Variants in SPIDR observed in about 807,000 individuals in gnomAD.
The protein encoded by SPIDR is DNA repair-scaffolding protein.
Under a neutral mutation model 104.6 loss-of-function variants are expected in SPIDR, and 93 were observed. The ratio of observed to expected loss-of-function variants is 0.89; its 90% confidence interval spans 0.75 to 1.06. SPIDR has a LOEUF of 1.06. Among genes scored for constraint, SPIDR ranks in the 50% least tolerant of loss-of-function variants. SPIDR has a pLI of 0.00. For synonymous variants in SPIDR, 431 were observed against 416.9 expected (o/e 1.03, Z -0.41); for missense variants, 1,154 against 1,111.2 (o/e 1.04, Z -0.55).
At chr8:47,271,531 G>A (rs1158420073) in intron 1 of SPIDR, among the ~76,000 whole-genome samples, 2 of 151,886 alleles carry the variant, frequency 1.3e-5, no homozygotes, top group Non-Finnish European at 2.9e-5. Context: ...AGTTACTATA[G>A]TTTTCAACTC....
At chr8:47,690,165 T>C (rs995032435) in intron 11 of SPIDR, among the ~76,000 whole-genome samples, 2 of 152,064 alleles carry the variant, frequency 1.3e-5, no homozygotes, top group Admixed American at 1.3e-4. Flanking sequence ...ATGTGAGGCT[T>C]TTGGAATAAT....
At chr8:47,670,490 G>A (rs1389051149) in intron 10 of SPIDR, among the ~76,000 whole-genome samples, 1 of 152,152 alleles carries the variant, frequency 6.6e-6, no homozygotes, top group Non-Finnish European at 1.5e-5. Context: ...CATAAAGTTT[G>A]TGGATCGATT....
chr8:47,474,474 T>G (rs2076066707), intron 8 of SPIDR, among the ~76,000 whole-genome samples: 1 of 152,176 alleles, frequency 6.6e-6, no homozygotes, highest in South Asian at 2.1e-4. Context: ...TCACAACATC[T>G]CACTCCCAGG....
chr8:47,300,301 C>T (rs954322158), intron 5 of SPIDR, among the ~76,000 whole-genome samples: 1 of 152,072 alleles, frequency 6.6e-6, no homozygotes, highest in African/African-American at 2.4e-5. Context: ...GGTGATATCC[C>T]CTTTATCATT....
upstream of SPIDR, chr8:47,260,900 C>G: frequency 8.3e-7 from 1 of 1,199,064 alleles, no homozygotes; most frequent in Non-Finnish European, 1.0e-6. Context: ...CGGTGCGGCG[C>G]GCCGAGGTGG....
At chr8:47,672,344 C>T (rs1589055203) in intron 10 of SPIDR, among the ~76,000 whole-genome samples, 2 of 152,218 alleles carry the variant, frequency 1.3e-5, no homozygotes, top group South Asian at 4.1e-4. Context: ...TATTGCTTCC[C>T]CTCCTCTGTC....
chr8:47,458,068 C>T (rs1278131322), intron 8 of SPIDR, among the ~76,000 whole-genome samples: 1 of 152,082 alleles, frequency 6.6e-6, no homozygotes, highest in East Asian at 1.9e-4. Flanking sequence ...CTTGCTTTGG[C>T]TATGTGGGCT....
intron 8 of SPIDR, among the ~76,000 whole-genome samples, chr8:47,551,476 A>G (rs190837446): frequency 4.3e-4 from 66 of 152,204 alleles, no homozygotes; most frequent in Admixed American, 2.2e-3. Flanking sequence ...GAGAGATTCA[A>G]CTTCTTCCTG....
chr8:47,412,482 C>T (rs1016186648), intron 7 of SPIDR, among the ~76,000 whole-genome samples: 1 of 152,126 alleles, frequency 6.6e-6, no homozygotes, highest in Non-Finnish European at 1.5e-5. Flanking sequence ...AAAAAGAATG[C>T]TTTCTTTCCA....
chr8:47,261,395 G>C (rs992678024), intron 1 of SPIDR, among the ~76,000 whole-genome samples: 4 of 152,192 alleles, frequency 2.6e-5, no homozygotes, highest in African/African-American at 9.6e-5. Context: ...TGTCAACTCT[G>C]TCTCTCTTCC....
At chr8:47,452,220 T>C (rs1464541053) in intron 8 of SPIDR, among the ~76,000 whole-genome samples, 1 of 152,108 alleles carries the variant, frequency 6.6e-6, no homozygotes, top group Non-Finnish European at 1.5e-5. Flanking sequence ...ATTAACAGCT[T>C]ATTTCTTATC....
chr8:47,430,259 A>C (rs1554688097), intron 7 of SPIDR, among the ~76,000 whole-genome samples: 1 of 152,106 alleles, frequency 6.6e-6, no homozygotes, highest in East Asian at 1.9e-4. Context: ...CATTTGTTGA[A>C]ATGCCATGGG....
chr8:47,470,773 A>G (rs1391864262), intron 8 of SPIDR, among the ~76,000 whole-genome samples: 1 of 151,854 alleles, frequency 6.6e-6, no homozygotes, highest in Non-Finnish European at 1.5e-5. Flanking sequence ...CTGGCTCTGT[A>G]GCCCAGGCTG....
chr8:47,630,575 C>T (rs2066906867), intron 10 of SPIDR, among the ~76,000 whole-genome samples: 1 of 152,208 alleles, frequency 6.6e-6, no homozygotes. Flanking sequence ...GTCCACATAA[C>T]AGATGCAGTT....
At chr8:47,661,821 C>G (rs928527677) in intron 10 of SPIDR, among the ~76,000 whole-genome samples, 2 of 152,222 alleles carry the variant, frequency 1.3e-5, no homozygotes, top group African/African-American at 4.8e-5. Context: ...TAAAAGGACT[C>G]TCAGCCCAGA....
chr8:47,710,492 G>C (rs1270169527), intron 14 of SPIDR, among the ~76,000 whole-genome samples: 1 of 150,314 alleles, frequency 6.7e-6, no homozygotes, highest in African/African-American at 2.4e-5. Context: ...TTTTGAGACG[G>C]AGTTTCGCTC....
At chr8:47,345,948 C>G (rs144226925) in intron 5 of SPIDR, among the ~76,000 whole-genome samples, 5,284 of 152,156 alleles carry the variant, frequency 0.035, 334 homozygotes, top group Admixed American at 0.15. Context: ...AATTGAAAAC[C>G]CTTTATTTCT....
intron 5 of SPIDR, among the ~76,000 whole-genome samples, chr8:47,359,926 AT>A (rs1487008955): frequency 1.3e-5 from 2 of 152,138 alleles, no homozygotes; most frequent in African/African-American, 4.8e-5. Context: ...GCCTGGAACA[AT>A]TTATCACTCT....
chr8:47,372,659 AT>A (rs1295118391), intron 5 of SPIDR, among the ~76,000 whole-genome samples: 2 of 151,940 alleles, frequency 1.3e-5, no homozygotes, highest in Non-Finnish European at 1.5e-5. Context: ...TAATATAATA[AT>A]TTTATAATGT....
Sources: gnomAD v4.1 joint callset for allele counts (sites outside exome capture counted in the v4.1 genomes callset) on GRCh38, gnomAD v4.1.1 for gene constraint, MANE v1.5 for transcripts, NCBI Gene and HGNC (gene_info 2026-07-23, HGNC 2026-07-21) for gene names.